The following PTPN13 variants were observed in gnomAD, a reference collection of about 807,000 sequenced individuals.
The protein encoded by PTPN13 is tyrosine-protein phosphatase non-receptor type 13.
A neutral mutation model predicts 284.0 loss-of-function variants in PTPN13; 191 were observed. The ratio of observed to expected loss-of-function variants is 0.67; its 90% CI spans 0.60 to 0.76. The LOEUF is 0.76. PTPN13 is among the 30% of genes least tolerant of loss of function. The pLI is 0.00. For synonymous variants in PTPN13, 986 were observed against 1,022.3 expected (o/e 0.96, Z 0.68); for missense variants, 2,797 against 2,939.9 (o/e 0.95, Z 1.12).
intron 6 of PTPN13, among the ~76,000 whole-genome samples, chr4:86,699,881 C>T (rs1049711764): frequency 3.3e-5 from 5 of 152,040 alleles, no homozygotes; most frequent in African/African-American, 1.2e-4. Flanking sequence ...AATACTGTAA[C>T]ACAGACATAT....
chr4:86,709,413 T>C (rs1732128502), intron 7 of PTPN13, among the ~76,000 whole-genome samples: 1 of 152,194 alleles, frequency 6.6e-6, no homozygotes, highest in Non-Finnish European at 1.5e-5. Flanking sequence ...ACCTGACATA[T>C]AATAGGTACT....
intron 3 of PTPN13, among the ~76,000 whole-genome samples, chr4:86,677,981 TG>T (rs1683153407): frequency 1.3e-5 from 2 of 152,180 alleles, no homozygotes; most frequent in South Asian, 4.1e-4. Context: ...TTGCAGTTGG[TG>T]GGTCTCCCCT....
intron 40 of PTPN13, among the ~76,000 whole-genome samples, chr4:86,788,263 G>A (rs6817630): frequency 0.15 from 22,766 of 152,016 alleles, 2,325 homozygotes; most frequent in African/African-American, 0.28. Flanking sequence ...AGACCAAGCT[G>A]GTATTCTGGA....
chr4:86,610,825 C>G (rs1002247375), intron 1 of PTPN13, among the ~76,000 whole-genome samples: 10 of 152,160 alleles, frequency 6.6e-5, no homozygotes, highest in African/African-American at 2.4e-4. Flanking sequence ...CTTACACTTG[C>G]ATGAACTTGC....
Position 86,762,727 on chromosome 4 carries a change from T to C in PTPN13, c.3554T>C (p.Val1185Ala). ...CTCATTGATGGATTTTGACTTTTAG[T>C]GCCTTCTACTCCTGTGCATCTCACC... ...ISQPKEKISK[V>A]PSTPVHLTNE... The change falls in exon 24 of 48, where the codon GTG (valine) becomes GCG (alanine). Residue 1185 changes from valine (V) to alanine (A), a missense_variant and splice_region_variant. Val to Ala is a moderately conservative substitution (Grantham distance 64, BLOSUM62 0). Transcript: ENST00000411767. The C allele has an allele frequency of 6.3e-7, 1 of 1,585,800 alleles. No individual in the cohort carries two copies. Among genetic ancestry groups the C allele is most frequent in the Non-Finnish European group, 8.6e-7 (1 of 1,157,858 alleles).
intron 28 of PTPN13, among the ~76,000 whole-genome samples, chr4:86,769,312 T>A (rs1739709627): frequency 6.6e-6 from 1 of 152,114 alleles, no homozygotes; most frequent in African/African-American, 2.4e-5. Context: ...CCCCTTTTTT[T>A]GTCTGTTATC....
intron 6 of PTPN13, among the ~76,000 whole-genome samples, chr4:86,698,864 G>A (rs1457513903): frequency 6.6e-6 from 1 of 152,140 alleles, no homozygotes; most frequent in Admixed American, 6.6e-5. Context: ...GGTTAACAGA[G>A]GAAGAGTTTG....
intron 41 of PTPN13, among the ~76,000 whole-genome samples, chr4:86,797,321 G>A (rs1743455171): frequency 1.3e-5 from 2 of 151,934 alleles, no homozygotes; most frequent in Non-Finnish European, 2.9e-5. Context: ...GTGAAACCCT[G>A]CCTCTACTAA....
intron 6 of PTPN13, 43 bp downstream of exon 6, chr4:86,693,717 C>A: frequency 7.3e-7 from 1 of 1,371,618 alleles, no homozygotes; most frequent in Non-Finnish European, 9.9e-7. Context: ...TTAACCTTAT[C>A]CCATTGTTTT....
At chr4:86,616,528 T>G (rs1720562559) in intron 1 of PTPN13, among the ~76,000 whole-genome samples, 1 of 151,652 alleles carries the variant, frequency 6.6e-6, no homozygotes, top group Non-Finnish European at 1.5e-5. Flanking sequence ...TTGGGAGGTA[T>G]TTAGATCGTG....
chr4:86,807,184 A>G (rs1281448288), intron 44 of PTPN13, among the ~76,000 whole-genome samples: 2 of 152,146 alleles, frequency 1.3e-5, no homozygotes, highest in African/African-American at 4.8e-5. Context: ...TATTATTATC[A>G]TCATCATCAT....
chr4:86,608,080 T>C (rs777360368), intron 1 of PTPN13, among the ~76,000 whole-genome samples: 5 of 152,026 alleles, frequency 3.3e-5, no homozygotes, highest in Admixed American at 6.6e-5. Context: ...CATGGAAATA[T>C]GTTAAATAGA....
At chr4:86,777,337 C>G (rs887139175) in intron 35 of PTPN13, among the ~76,000 whole-genome samples, 1 of 152,108 alleles carries the variant, frequency 6.6e-6, no homozygotes, top group African/African-American at 2.4e-5. Flanking sequence ...ATCTTCAAAG[C>G]TAGGAACTGC....
intron 2 of PTPN13, among the ~76,000 whole-genome samples, chr4:86,657,309 C>T (rs564399577): frequency 5.9e-5 from 9 of 152,300 alleles, no homozygotes; most frequent in East Asian, 5.8e-4. Flanking sequence ...TTTTCTGCGT[C>T]GCTCACGCTG....
At chr4:86,754,713 T>C (rs1578582240) in intron 20 of PTPN13, among the ~76,000 whole-genome samples, 1 of 152,078 alleles carries the variant, frequency 6.6e-6, no homozygotes, top group East Asian at 1.9e-4. Flanking sequence ...TATTCAAGTA[T>C]GATAATTTTA....
At chr4:86,670,830 C>T (rs1320432286) in intron 2 of PTPN13, among the ~76,000 whole-genome samples, 3 of 152,112 alleles carry the variant, frequency 2.0e-5, no homozygotes, top group South Asian at 2.1e-4. Flanking sequence ...AACTAAGAGG[C>T]GGCTTTTAAC....
chr4:86,769,991 C>G lies in PTPN13; in HGVS notation c.4704+8C>G. On this transcript the variant is annotated splice_region_variant and intron_variant, in intron 29 of 47. Transcript: ENST00000411767. ...AAAGGACTATCTCAGCAGGTGAGCC[C>G]CTAGCATGTGGAGTATAGCATTTTT... 1 of 1,613,500 alleles carries G rather than the reference C, an allele frequency of 6.2e-7. No homozygotes were observed. The highest frequency in any genetic ancestry group is 8.5e-7 in the Non-Finnish European group (1 of 1,179,614).
intron 2 of PTPN13, among the ~76,000 whole-genome samples, chr4:86,636,194 A>T (rs564001364): frequency 2.0e-5 from 3 of 152,270 alleles, no homozygotes; most frequent in Non-Finnish European, 4.4e-5. Flanking sequence ...AAAATCTGGT[A>T]GAATAATATA....
chr4:86,692,959 G>C (rs1431471342), intron 5 of PTPN13, among the ~76,000 whole-genome samples: 1 of 151,040 alleles, frequency 6.6e-6, no homozygotes, highest in Non-Finnish European at 1.5e-5. Flanking sequence ...TGCACCAGTA[G>C]TCCCAGCTAC....
Sources: gnomAD v4.1 joint callset for allele counts (sites outside exome capture counted in the v4.1 genomes callset) on GRCh38, gnomAD v4.1.1 for gene constraint, MANE v1.5 for transcripts, NCBI Gene and HGNC (gene_info 2026-07-23, HGNC 2026-07-21) for gene names.